Variants in FSTL5 observed in about 807,000 individuals in gnomAD.
The protein encoded by FSTL5 is follistatin-related protein 5.
Under a neutral mutation model 89.1 loss-of-function variants are expected in FSTL5, and 62 were observed. The observed-to-expected ratio is 0.70, with a 90% CI of 0.57 to 0.86. FSTL5 has a LOEUF of 0.86. Ranked by LOEUF, FSTL5 falls within the 40% of genes least tolerant of loss-of-function variation. The pLI is 0.00. For synonymous variants in FSTL5, 383 were observed against 346.2 expected (o/e 1.11, Z -1.18); for missense variants, 1,057 against 1,001.6 (o/e 1.06, Z -0.75).
intron 4 of FSTL5, among the ~76,000 whole-genome samples, chr4:161,810,479 T>G (rs1730104699): frequency 6.6e-6 from 1 of 152,148 alleles, no homozygotes; most frequent in South Asian, 2.1e-4. Flanking sequence ...TAGAAATGTT[T>G]AACAGGAAAT....
intron 14 of FSTL5, among the ~76,000 whole-genome samples, chr4:161,458,361 T>C (rs547853489): frequency 7.2e-5 from 11 of 152,334 alleles, no homozygotes; most frequent in African/African-American, 2.4e-4. Context: ...AAATGATCCA[T>C]CATTATGCTA....
intron 6 of FSTL5, among the ~76,000 whole-genome samples, chr4:161,682,125 G>A (rs1178180418): frequency 6.6e-6 from 1 of 152,078 alleles, no homozygotes; most frequent in African/African-American, 2.4e-5. Flanking sequence ...TACAAATATT[G>A]CTTAAAATAT....
intron 4 of FSTL5, among the ~76,000 whole-genome samples, chr4:161,815,772 A>G (rs146431811): frequency 7.2e-5 from 11 of 152,306 alleles, no homozygotes; most frequent in African/African-American, 2.6e-4. Context: ...ATCCTTAGTA[A>G]TATATTTTCT....
Position 161,580,144 on chromosome 4 carries a change from GATTTA to G in FSTL5, c.1015+7306_1015+7310del, listed in dbSNP as rs2126598153. 1.3e-5 allele frequency among the ~76,000 whole-genome samples: 2 copies of G among 152,228 alleles called. 1 individual carries two copies. Among genetic ancestry groups the G allele is most frequent in the East Asian group, 3.9e-4 (2 of 5,180 alleles). ...AATAATTGAAGCATCTTGACGTCATGATTTAATTTAATCACAGAGCCTCTGAAGAA... is the reference window on the plus strand; with the variant it reads ...AATAATTGAAGCATCTTGACGTCATGATTTAATCACAGAGCCTCTGAAGAA... On this transcript the variant is annotated intron_variant, in intron 8 of 15. Transcript: ENST00000306100.
rs118103951 is a variant in FSTL5 at position 161,604,559 on chromosome 4, T to C, written c.895-16984A>G. On this transcript the variant is annotated intron_variant, in intron 7 of 15. Transcript: ENST00000306100. ...AGGAACAGGCTCTTCTCTAGCACTATTGAGATCCAAACTTCTTTGATGAGA... is the reference window on the plus strand; with the variant it reads ...AGGAACAGGCTCTTCTCTAGCACTACTGAGATCCAAACTTCTTTGATGAGA... 7.7e-4 allele frequency among the ~76,000 whole-genome samples: 117 copies of C among 152,274 alleles called. 3 individuals are homozygous for C. The East Asian group carries it at 0.02, about 26-fold the overall frequency.
At chr4:162,163,522 T>G (rs1395353858) in intron 1 of FSTL5, 93 bp downstream of exon 1, 1 of 150,040 alleles carries the variant, frequency 6.7e-6, no homozygotes, top group South Asian at 2.1e-4. Context: ...TTTCAAATTA[T>G]AAAAATAAGC....
At chr4:161,681,243 GT>G (rs1737508063) in intron 6 of FSTL5, among the ~76,000 whole-genome samples, 1 of 151,992 alleles carries the variant, frequency 6.6e-6, no homozygotes, top group African/African-American at 2.4e-5. Context: ...ATCACCATTG[GT>G]TTTTGTTTTG....
At chr4:161,739,052 T>C (rs1049696254) in intron 6 of FSTL5, among the ~76,000 whole-genome samples, 3 of 152,228 alleles carry the variant, frequency 2.0e-5, no homozygotes, top group Non-Finnish European at 2.9e-5. Context: ...GTTTCAGTTA[T>C]TAAAAATGTT....
At chr4:161,739,196 G>A (rs1739918425) in intron 6 of FSTL5, among the ~76,000 whole-genome samples, 1 of 152,162 alleles carries the variant, frequency 6.6e-6, no homozygotes, top group South Asian at 2.1e-4. Context: ...TTAAGATGAA[G>A]TCATTAAGGT....
chr4:162,140,565 C>T (rs1326362140), intron 1 of FSTL5, among the ~76,000 whole-genome samples: 1 of 141,246 alleles, frequency 7.1e-6, no homozygotes, highest in Admixed American at 7.2e-5. Context: ...GGCTTTTACT[C>T]TAAATAAAAT....
rs74438050 is a variant in FSTL5 at position 162,097,049 on chromosome 4, C to T, written c.126+14222G>A. ...TAAAGCAAGAGATACTTTCTCATTA[C>T]AACAGTTATATCTTTTTTTACTATT... is the stretch of plus-strand genomic sequence containing the variant. On this transcript the variant is annotated intron_variant, in intron 2 of 15. Transcript: ENST00000306100. 6.3e-3 allele frequency among the ~76,000 whole-genome samples: 953 copies of T among 151,972 alleles called. 6 individuals carry two copies. The highest frequency in any genetic ancestry group is 0.022 in the African/African-American group (913 of 41,546).
At chr4:161,543,305 T>G (rs1731895535) in intron 8 of FSTL5, among the ~76,000 whole-genome samples, 1 of 152,026 alleles carries the variant, frequency 6.6e-6, no homozygotes, top group Non-Finnish European at 1.5e-5. Flanking sequence ...GAAGACACTT[T>G]GTATTCCTGG....
chr4:162,114,567 C>T (rs190835744), intron 1 of FSTL5, among the ~76,000 whole-genome samples: 7,266 of 133,060 alleles, frequency 0.055, 365 homozygotes, highest in East Asian at 0.29. Flanking sequence ...CACACACACA[C>T]ATATTCTATA....
At chr4:162,019,770 C>CTGTG (rs10610828) in intron 3 of FSTL5, among the ~76,000 whole-genome samples, 56 of 148,190 alleles carry the variant, frequency 3.8e-4, no homozygotes, top group Middle Eastern at 7.0e-3. Context: ...CTCTCTTTCT[C>CTGTG]TGTGTGTGTG....
At chr4:161,526,203 G>T (rs562549330) in intron 10 of FSTL5, among the ~76,000 whole-genome samples, 1 of 152,122 alleles carries the variant, frequency 6.6e-6, no homozygotes, top group South Asian at 2.1e-4. Context: ...GATAATGGTT[G>T]AACTATGTAT....
intron 3 of FSTL5, among the ~76,000 whole-genome samples, chr4:161,992,096 A>G (rs1736128344): frequency 6.6e-6 from 1 of 152,192 alleles, no homozygotes; most frequent in Non-Finnish European, 1.5e-5. Flanking sequence ...GGTCAGAGAG[A>G]TTAAAAGGCA....
intron 4 of FSTL5, among the ~76,000 whole-genome samples, chr4:161,807,377 T>G (rs1730002997): frequency 6.6e-6 from 1 of 152,150 alleles, no homozygotes; most frequent in African/African-American, 2.4e-5. Context: ...AGGAGATCAT[T>G]TTAAATAGTC....
intron 6 of FSTL5, among the ~76,000 whole-genome samples, chr4:161,658,620 CAT>C: frequency 6.6e-6 from 1 of 152,042 alleles, no homozygotes; most frequent in Admixed American, 6.6e-5. Context: ...CATACAGAGA[CAT>C]GTATATACAT....
chr4:161,539,703 A>G (rs1313309691), intron 9 of FSTL5, among the ~76,000 whole-genome samples: 1 of 152,102 alleles, frequency 6.6e-6, no homozygotes, highest in East Asian at 1.9e-4. Flanking sequence ...ATACAAACCA[A>G]CAACAACAAC....
Sources: gnomAD v4.1 joint callset for allele counts (sites outside exome capture counted in the v4.1 genomes callset) on GRCh38, gnomAD v4.1.1 for gene constraint, MANE v1.5 for transcripts, NCBI Gene and HGNC (gene_info 2026-07-23, HGNC 2026-07-21) for gene names.